Variants in HIPK2 observed in about 807,000 individuals in gnomAD.
HIPK2 encodes homeodomain interacting protein kinase 2, also known as homeodomain-interacting protein kinase 2.
In HIPK2, 27 loss-of-function variants were observed where a neutral mutation model predicts 113.7. That is an observed-to-expected ratio of 0.24 (90% CI 0.17 to 0.33). The LOEUF (loss-of-function observed/expected upper bound fraction) is 0.33, where lower values mean the gene tolerates loss of function less well. Ranked by LOEUF, HIPK2 falls within the 10% of genes least tolerant of loss-of-function variation. HIPK2 has a pLI of 1.00. For missense variants in HIPK2, 1,257 were observed against 1,588.0 expected (o/e 0.79, Z 3.54); for synonymous variants, 631 against 642.2 (o/e 0.98, Z 0.26).
intron 1 of HIPK2, among the ~76,000 whole-genome samples, chr7:139,746,032 T>C (rs1796184600): frequency 6.6e-6 from 1 of 152,136 alleles, no homozygotes; most frequent in African/African-American, 2.4e-5. Context: ...TGTGAGCCAC[T>C]CTTTGCACGC....
chr7:139,572,898 T>TACCAAC lies in HIPK2; in HGVS notation c.*28_*29insGTTGGT. 4.9e-6 allele frequency: 2 copies of TACCAAC among 407,280 alleles called. No homozygotes were observed. Among genetic ancestry groups the TACCAAC allele is most frequent in the Non-Finnish European group, 9.7e-6 (2 of 206,378 alleles). 25.2% of individuals were successfully genotyped at this position (407,280 alleles called of 1,614,324 possible). On this transcript the variant is annotated 3_prime_UTR_variant, in exon 15 of 15. Coordinates refer to ENST00000406875, the MANE Select transcript of HIPK2 (RefSeq NM_022740.5). ...CTCCTCCCTCGGGCCATTCTCTCCC[T>TACCAAC]CCCTCCCTCCCTCCCTCCCCTCCAG...
chr7:139,758,406 T>C (rs753226107), intron 1 of HIPK2, among the ~76,000 whole-genome samples: 18 of 152,062 alleles, frequency 1.2e-4, no homozygotes, highest in Non-Finnish European at 2.5e-4. Flanking sequence ...GTTGGGACAA[T>C]TGAGTATTGA....
In HIPK2 at chr7:139,620,448, T is replaced by C. The variant is rs144194569; in HGVS notation, c.1735A>G (p.Asn579Asp). Residue 579 changes from asparagine (N) to aspartate (D), a missense_variant, in exon 7 of 15, where the codon AAC (asparagine) becomes GAC (aspartate). Around this residue, in one of 5 missense-constraint regions of HIPK2, gnomAD observed 862 missense variants for 1,004.3 expected, o/e 0.86. Transcript: ENST00000406875. Reference protein sequence around the residue: ...ITHVAPSTSTNLTMTFNNQLT... With the variant: ...ITHVAPSTSTDLTMTFNNQLT... Reference sequence around the variant, plus strand: ...TGGTTGTTAAAGGTCATGGTCAGGTTGGTGGACGTGCTGGGGGCCACGTGC... The same window carrying C: ...TGGTTGTTAAAGGTCATGGTCAGGTCGGTGGACGTGCTGGGGGCCACGTGC... 4 of 1,613,964 alleles carry C rather than the reference T, an allele frequency of 2.5e-6. No homozygotes were observed. The highest frequency in any genetic ancestry group is 3.4e-6 in the Non-Finnish European group (4 of 1,179,902).
intron 2 of HIPK2, among the ~76,000 whole-genome samples, chr7:139,684,002 C>T (rs1054678345): frequency 7.3e-5 from 11 of 151,518 alleles, no homozygotes; most frequent in African/African-American, 2.4e-4. Flanking sequence ...AACCGTGCAT[C>T]GAGCCGGTCT....
chr7:139,653,508 C>T (rs1327148857), intron 2 of HIPK2, among the ~76,000 whole-genome samples: 2 of 151,230 alleles, frequency 1.3e-5, no homozygotes, highest in African/African-American at 4.9e-5. Context: ...GGGAAGGAGG[C>T]CTCTGCCTCC....
intron 1 of HIPK2, among the ~76,000 whole-genome samples, chr7:139,755,946 A>G (rs933839253): frequency 1.6e-4 from 24 of 152,148 alleles, no homozygotes; most frequent in African/African-American, 5.3e-4. Flanking sequence ...TTTCAGACAA[A>G]TGTTTTCTTA....
intron 1 of HIPK2, among the ~76,000 whole-genome samples, chr7:139,739,325 T>G (rs1796032270): frequency 6.6e-6 from 1 of 152,224 alleles, no homozygotes; most frequent in Admixed American, 6.5e-5. Context: ...CAGTGGCTCA[T>G]GCCTGTAATC....
rs559505310 is a variant in HIPK2, at chr7:139,657,602, C to T, written c.1104-25877G>A. Among the ~76,000 whole-genome samples the T allele has an allele frequency of 2.2e-4, 33 of 152,180 alleles. 1 individual carries two copies. Among genetic ancestry groups the T allele is most frequent in the Non-Finnish European group, 4.4e-4 (30 of 68,030 alleles). ...CTGGATTTACCCAGTGCTATCTCTG[C>T]ACAATGTTCAGTTTCAGTTCTTCCT... On this transcript the variant is annotated intron_variant, in intron 2 of 14. Transcript: ENST00000406875.
intron 1 of HIPK2, among the ~76,000 whole-genome samples, chr7:139,720,708 A>T (rs866464699): frequency 3.9e-5 from 6 of 152,354 alleles, no homozygotes; most frequent in Admixed American, 6.5e-5. Flanking sequence ...GCCACTGAAG[A>T]GTCAAAGCAA....
intron 2 of HIPK2, among the ~76,000 whole-genome samples, chr7:139,654,812 C>CA (rs1554438554): frequency 6.6e-6 from 1 of 152,204 alleles, no homozygotes; most frequent in Non-Finnish European, 1.5e-5. Flanking sequence ...TATCAACTCT[C>CA]AAACTACTCC....
chr7:139,659,104 CTG>C (rs1801776021), intron 2 of HIPK2, among the ~76,000 whole-genome samples: 1 of 152,176 alleles, frequency 6.6e-6, no homozygotes, highest in South Asian at 2.1e-4. Flanking sequence ...CAATAGGGCC[CTG>C]TCTCTGCTGC....
chr7:139,696,534 G>A (rs901986640), intron 2 of HIPK2, among the ~76,000 whole-genome samples: 4 of 151,194 alleles, frequency 2.6e-5, no homozygotes, highest in South Asian at 2.1e-4. Context: ...AGTGAGCTGC[G>A]AGTGCACCAC....
intron 2 of HIPK2, among the ~76,000 whole-genome samples, chr7:139,680,825 G>A (rs1341784950): frequency 6.6e-6 from 1 of 152,172 alleles, no homozygotes; most frequent in East Asian, 1.9e-4. Context: ...ATCTGAGCGG[G>A]CTTCCTGTGT....
chr7:139,610,810 C>T (rs921078666), intron 9 of HIPK2, among the ~76,000 whole-genome samples: 6 of 152,178 alleles, frequency 3.9e-5, no homozygotes, highest in African/African-American at 1.4e-4. Flanking sequence ...CCTGAGCATG[C>T]CCAGATGAAC....
At chr7:139,646,990 G>A (rs1215091330) in intron 2 of HIPK2, among the ~76,000 whole-genome samples, 1 of 152,142 alleles carries the variant, frequency 6.6e-6, no homozygotes. Context: ...AGCCTTTGAA[G>A]CTTTCTACTC....
intron 1 of HIPK2, among the ~76,000 whole-genome samples, chr7:139,766,868 C>T (rs1054649030): frequency 1.3e-5 from 2 of 152,150 alleles, no homozygotes; most frequent in African/African-American, 4.8e-5. Flanking sequence ...GCCCCAAGAC[C>T]AAACTGGATG....
chr7:139,617,371 G>A (rs960595098), intron 7 of HIPK2, among the ~76,000 whole-genome samples: 6 of 152,198 alleles, frequency 3.9e-5, no homozygotes, highest in Admixed American at 2.6e-4. Context: ...TAGTGAAAAA[G>A]CAAGTTTATT....
At chr7:139,692,024 A>G (rs2116789055) in intron 2 of HIPK2, among the ~76,000 whole-genome samples, 1 of 152,356 alleles carries the variant, frequency 6.6e-6, no homozygotes, top group Middle Eastern at 3.4e-3. Flanking sequence ...GCATTCATAT[A>G]TTAAAAAATA....
chr7:139,727,088 C>T (rs1396572681), intron 1 of HIPK2, among the ~76,000 whole-genome samples: 4 of 152,130 alleles, frequency 2.6e-5, no homozygotes, highest in African/African-American at 9.7e-5. Context: ...ATCAACACCT[C>T]GGTGGAAATG....
Sources: gnomAD v4.1 joint callset for allele counts (sites outside exome capture counted in the v4.1 genomes callset) on GRCh38, gnomAD v4.1.1 for gene constraint, gnomAD v4.1.1 regional missense constraint, MANE v1.5 for transcripts, NCBI Gene and HGNC (gene_info 2026-07-23, HGNC 2026-07-21) for gene names.